The following GRXCR1 variants were observed in gnomAD, a reference collection of about 807,000 sequenced individuals.
GRXCR1 encodes the protein glutaredoxin domain-containing cysteine-rich protein 1.
Under a neutral mutation model 27.3 loss-of-function variants are expected in GRXCR1, and 27 were observed. That is an observed-to-expected ratio of 0.99 (90% CI 0.73 to 1.37). The LOEUF is 1.37. Among genes scored for constraint, GRXCR1 ranks in the 40% most tolerant of loss-of-function variants. The pLI, the probability that GRXCR1 is intolerant of heterozygous loss-of-function variation, is 0.00. For missense variants in GRXCR1, 379 were observed against 354.4 expected, an observed-to-expected ratio of 1.07 and a Z score of -0.56; for synonymous variants, 122 against 131.1, an observed-to-expected ratio of 0.93 and a Z score of 0.47.
chr4:42,914,295 C>T (rs1174819021), intron 1 of GRXCR1, among the ~76,000 whole-genome samples: 1 of 152,242 alleles, frequency 6.6e-6, no homozygotes, highest in Non-Finnish European at 1.5e-5. Flanking sequence ...TGCAAAGCCA[C>T]AGGGGTGGAG....
intron 1 of GRXCR1, among the ~76,000 whole-genome samples, chr4:42,951,381 CAA>C (rs1328738449): frequency 6.6e-6 from 1 of 152,104 alleles, no homozygotes; most frequent in Non-Finnish European, 1.5e-5. Context: ...ATCCCCTAGC[CAA>C]GTCGACACAT....
chr4:43,019,720 A>C (rs1431223636), intron 2 of GRXCR1, among the ~76,000 whole-genome samples: 2 of 152,156 alleles, frequency 1.3e-5, no homozygotes, highest in Non-Finnish European at 2.9e-5. Context: ...TCTGGAGTGC[A>C]TGCCCTACCT....
chr4:42,958,851 G>A (rs1168798687), intron 1 of GRXCR1, among the ~76,000 whole-genome samples: 5 of 151,900 alleles, frequency 3.3e-5, no homozygotes, highest in African/African-American at 1.2e-4. Context: ...ACAATGGGAA[G>A]TGCAAATCAA....
intron 2 of GRXCR1, among the ~76,000 whole-genome samples, chr4:42,995,551 C>A (rs966767649): frequency 6.6e-6 from 1 of 152,160 alleles, no homozygotes; most frequent in Non-Finnish European, 1.5e-5. Context: ...TTACCACATC[C>A]TCACTGCAGG....
chr4:42,893,275 A>C lies in GRXCR1; in HGVS notation c.9A>C (p.Lys3Asn). ...TATGGGTGGAGGTGACCATGCTTAA[A>C]AGGGAGATGAAGCCAGAAAGTGACA... Reference protein sequence around the residue: MLKREMKPESDRP... With the variant: MLNREMKPESDRP... Residue 3 changes from lysine (K) to asparagine (N), a missense_variant, in exon 1 of 4, where the codon AAA becomes AAC. Transcript: ENST00000399770. The C allele has an allele frequency of 6.2e-7, 1 of 1,613,574 alleles. No individual in the cohort carries two copies. The highest frequency in any genetic ancestry group is 1.7e-4 in the Middle Eastern group (1 of 6,042).
chr4:42,899,152 G>A (rs1397364218), intron 1 of GRXCR1, among the ~76,000 whole-genome samples: 3 of 152,040 alleles, frequency 2.0e-5, no homozygotes, highest in Admixed American at 6.6e-5. Flanking sequence ...CCTCTTAGTG[G>A]TTATTTTCCT....
At chr4:42,909,462 A>G (rs1746669035) in intron 1 of GRXCR1, among the ~76,000 whole-genome samples, 1 of 152,180 alleles carries the variant, frequency 6.6e-6, no homozygotes, top group African/African-American at 2.4e-5. Context: ...AACAGAAAAC[A>G]CAAACAAAAC....
intron 2 of GRXCR1, among the ~76,000 whole-genome samples, chr4:43,013,379 A>G (rs910956891): frequency 6.6e-6 from 1 of 152,194 alleles, no homozygotes; most frequent in African/African-American, 2.4e-5. Context: ...TTAATGCAGG[A>G]ACAGAAAATC....
intron 1 of GRXCR1, among the ~76,000 whole-genome samples, chr4:42,952,508 T>C (rs748329): frequency 0.36 from 55,116 of 151,928 alleles, 10,223 homozygotes; most frequent in African/African-American, 0.43. Flanking sequence ...CCAAACCACC[T>C]TCTCCCACCT....
chr4:42,926,721 G>A (rs1380244757), intron 1 of GRXCR1, among the ~76,000 whole-genome samples: 1 of 151,916 alleles, frequency 6.6e-6, no homozygotes, highest in African/African-American at 2.4e-5. Flanking sequence ...AATTGGGGAT[G>A]ATAGCTAAAC....
At chr4:42,898,677 A>G (rs1361029684) in intron 1 of GRXCR1, among the ~76,000 whole-genome samples, 1 of 152,110 alleles carries the variant, frequency 6.6e-6, no homozygotes, top group Non-Finnish European at 1.5e-5. Context: ...TTTATTCCTT[A>G]CAACAACCCT....
rs186337808 is a variant in GRXCR1 at position 42,892,791 on chromosome 4, A to G, written c.-476A>G. On this transcript the variant is annotated 5_prime_UTR_variant, in exon 1 of 4. Transcript: ENST00000399770. The stretch of plus-strand genomic sequence containing the variant: ...CTTTAAAGAATAAATAAGTCCTGTG[A>G]GAAAACTGTGACTGCTCTTATCCTA... Among the ~76,000 whole-genome samples the G allele has an allele frequency of 1.8e-4, 28 of 152,258 alleles. No individual in the cohort carries two copies. The highest frequency in any genetic ancestry group is 1.1e-3 in the Admixed American group (17 of 15,282).
At chr4:42,908,318 A>T (rs1746643531) in intron 1 of GRXCR1, among the ~76,000 whole-genome samples, 1 of 152,176 alleles carries the variant, frequency 6.6e-6, no homozygotes, top group African/African-American at 2.4e-5. Context: ...GGTAGGGTAG[A>T]TGCTGAGTTT....
At chr4:42,898,226 C>A (rs965504959) in intron 1 of GRXCR1, among the ~76,000 whole-genome samples, 7 of 150,304 alleles carry the variant, frequency 4.7e-5, no homozygotes, top group African/African-American at 1.7e-4. Flanking sequence ...GCAGGTTTTA[C>A]AATTTATCAT....
intron 1 of GRXCR1, among the ~76,000 whole-genome samples, chr4:42,915,029 C>T (rs1255416763): frequency 6.6e-6 from 1 of 152,110 alleles, no homozygotes; most frequent in African/African-American, 2.4e-5. Context: ...TCAATTAAAC[C>T]TCTTTCTTTA....
chr4:42,996,002 G>C (rs541060261), intron 2 of GRXCR1, among the ~76,000 whole-genome samples: 1 of 152,104 alleles, frequency 6.6e-6, no homozygotes, highest in African/African-American at 2.4e-5. Flanking sequence ...GAGTTTTCAG[G>C]TTTCTTCATT....
intron 2 of GRXCR1, among the ~76,000 whole-genome samples, chr4:42,967,967 G>A (rs771600524): frequency 1.3e-5 from 2 of 152,090 alleles, no homozygotes; most frequent in Non-Finnish European, 2.9e-5. Flanking sequence ...CCTAGATAAT[G>A]TCTCCTTTAA....
At chr4:43,021,146 T>A (rs1218390503) in intron 3 of GRXCR1, among the ~76,000 whole-genome samples, 2 of 152,150 alleles carry the variant, frequency 1.3e-5, no homozygotes, top group African/African-American at 4.8e-5. Context: ...CTCTAGTCTT[T>A]GCTAACCTAA....
chr4:42,943,398 C>T (rs1406905809), intron 1 of GRXCR1, among the ~76,000 whole-genome samples: 1 of 152,038 alleles, frequency 6.6e-6, no homozygotes, highest in East Asian at 1.9e-4. Flanking sequence ...GTCTTGACTT[C>T]CAGTTCAGTG....
Sources: allele counts gnomAD v4.1 joint callset (sites outside exome capture counted in the v4.1 genomes callset), GRCh38; gene constraint gnomAD v4.1.1; transcripts MANE v1.5; gene names NCBI Gene and HGNC (gene_info 2026-07-23, HGNC 2026-07-21).